Variants in ZFP91 observed in about 807,000 individuals in gnomAD.
The protein encoded by ZFP91 is ZFP91 zinc finger protein, atypical E3 ubiquitin ligase, also known as E3 ubiquitin-protein ligase ZFP91.
Under a neutral mutation model 63.5 loss-of-function variants are expected in ZFP91, and 7 were observed. The ratio of observed to expected loss-of-function variants is 0.11; its 90% CI spans 0.06 to 0.21. The LOEUF is 0.21. Ranked by LOEUF, ZFP91 falls within the 10% of genes least tolerant of loss-of-function variation. The pLI is 1.00. For synonymous variants in ZFP91, 330 were observed against 272.1 expected (o/e 1.21, Z -2.10); for missense variants, 628 against 736.6 (o/e 0.85, Z 1.71).
intron 2 of ZFP91, among the ~76,000 whole-genome samples, chr11:58,603,344 A>G (rs982567280): frequency 6.6e-6 from 1 of 152,216 alleles, no homozygotes; most frequent in Admixed American, 6.5e-5. Flanking sequence ...GTCTGTCCAA[A>G]TAGTGTATTG....
At position 58,614,389 on chromosome 11, in the gene ZFP91, T is replaced by TA. The variant is rs747327458; in HGVS notation, c.1102+47dup. 15 of 1,340,124 alleles carry TA rather than the reference T, an allele frequency of 1.1e-5. No homozygotes were observed. In the South Asian group the frequency reaches 1.9e-4, roughly 17 times the overall value. 83.0% of individuals were successfully genotyped at this position (1,340,124 alleles called of 1,614,324 possible). ...TCAAGTAGGTAATTGCACTGTGCTT[T>TA]AGTTTTGCATGTTGGTAATGATAAC... On this transcript the variant is annotated intron_variant, in intron 9 of 10. Transcript: ENST00000316059.
Position 58,611,057 on chromosome 11 carries a change from ATG to A in ZFP91, c.722+5_722+6del. 6.2e-7 allele frequency: 1 copy of A among 1,612,116 alleles called. No individual in the cohort carries two copies. Among genetic ancestry groups the A allele is most frequent in the Non-Finnish European group, 8.5e-7 (1 of 1,178,944 alleles). On this transcript the variant is annotated splice_donor_5th_base_variant and intron_variant, in intron 5 of 10. Coordinates refer to ENST00000316059, the MANE Select transcript of ZFP91 (RefSeq NM_053023.5). The stretch of plus-strand genomic sequence containing the variant: ...ACCTACAAACCCCACTTAGAAAGGC[ATG>A]TCTCAGATTTTACTGCAGACATGTT...
chr11:58,608,894 A>T (rs1590626551), intron 2 of ZFP91, among the ~76,000 whole-genome samples: 1 of 152,246 alleles, frequency 6.6e-6, no homozygotes, highest in African/African-American at 2.4e-5. Context: ...TGAGCCACTG[A>T]GCCCGGCCTG....
intron 2 of ZFP91, among the ~76,000 whole-genome samples, chr11:58,609,090 T>TA (rs1210335141): frequency 6.6e-6 from 1 of 152,182 alleles, no homozygotes; most frequent in Non-Finnish European, 1.5e-5. Context: ...ACTTTTTTTT[T>TA]ATATAGGTCT....
intron 2 of ZFP91, among the ~76,000 whole-genome samples, chr11:58,598,749 CGTGTGTGTGTGTGTGTGTGTGT>C (rs56110499): frequency 0.014 from 1,639 of 120,898 alleles, 38 homozygotes; most frequent in African/African-American, 0.041. Context: ...CTTTTGTGCA[CGTGTGTGTGTGTGTGTGTGTGT>C]GTGTGTGTGT....
intron 9 of ZFP91, among the ~76,000 whole-genome samples, chr11:58,615,875 T>A (rs1159790541): frequency 6.6e-6 from 1 of 152,262 alleles, no homozygotes; most frequent in African/African-American, 2.4e-5. Flanking sequence ...TTCTCATTAA[T>A]TCTGGTAATT....
Position 58,612,304 on chromosome 11 carries a change from A to G in ZFP91, c.884A>G (p.Lys295Arg), listed in dbSNP as rs774645473. 12 of 1,613,744 alleles carry G rather than the reference A, an allele frequency of 7.4e-6. No individual in the cohort carries two copies. The highest frequency in any genetic ancestry group is 3.3e-5 in the Admixed American group (2 of 59,992). ...RKRGRRRKDD[K>R]SPRLPKRRKK... ...AGAGGAAGAAGACGAAAAGATGACAAAAGTCCACGTTTACCCAAAAGGAGG... is the reference window on the plus strand; with the variant it reads ...AGAGGAAGAAGACGAAAAGATGACAGAAGTCCACGTTTACCCAAAAGGAGG... The change falls in exon 7 of 11, where the codon AAA becomes AGA. Residue 295 changes from lysine to arginine, a missense_variant. This residue lies in a region of ZFP91 where 76 missense variants were observed against 230.9 expected (regional missense o/e 0.33). Transcript: ENST00000316059.
rs749978991 is a variant in ZFP91 at position 58,610,321 on chromosome 11, C to G, written c.604C>G (p.Pro202Ala). The change falls in exon 4 of 11, where the codon CCA becomes GCA. Residue 202 changes from proline to alanine, a missense_variant. Coordinates refer to ENST00000316059, the MANE Select transcript of ZFP91 (RefSeq NM_053023.5). ...DYDVGEEHQS[P>A]GGISSEEEEE... Reference sequence around the variant, plus strand: ...AGATGTTGGAGAAGAGCATCAGTCTCCAGGTGGCATTAGGTAAAAAAAACA... The same window carrying G: ...AGATGTTGGAGAAGAGCATCAGTCTGCAGGTGGCATTAGGTAAAAAAAACA... 7 of 1,594,674 alleles carry G rather than the reference C, an allele frequency of 4.4e-6. No homozygotes were observed. The highest frequency in any genetic ancestry group is 5.1e-6 in the Non-Finnish European group (6 of 1,174,408).
In ZFP91 at chr11:58,584,867, A is replaced by G. The variant is rs1411663726; in HGVS notation, c.353A>G (p.Lys118Arg). 1 of 1,530,098 alleles carries G rather than the reference A, an allele frequency of 6.5e-7. No homozygotes were observed. The highest frequency in any genetic ancestry group is 1.3e-5 in the South Asian group (1 of 75,480). The allele number at this position is 1,530,098 out of a possible 1,614,324, so 94.8% of individuals were successfully genotyped here. The change falls in exon 2 of 11, where the codon AAA becomes AGA. Residue 118 changes from lysine to arginine, a missense_variant. Transcript: ENST00000316059. Reference protein sequence around the residue: ...KKSPRLLCIEKVTTDKDPKEE... With the variant: ...KKSPRLLCIERVTTDKDPKEE... ...CTTATTTCTTTCAGATGCATAGAAA[A>G]AGTAACAACTGATAAAGGTAAGACT...
In ZFP91 at chr11:58,579,117, G is replaced by A; in HGVS notation, c.-165G>A. On this transcript the variant is annotated 5_prime_UTR_variant, in exon 1 of 11. Transcript: ENST00000316059. ...AGCGGACCTTGAGTGGCAGGGGGTG[G>A]GGGGGGCGCCCTCGGAGCCGGGCGG... 5.7e-6 allele frequency: 3 copies of A among 524,276 alleles called. No homozygotes were observed. The highest frequency in any genetic ancestry group is 4.3e-5 in the South Asian group (1 of 23,198). 32.5% of individuals were successfully genotyped at this position (524,276 alleles called of 1,614,324 possible).
At chr11:58,592,852 G>A (rs1035261642) in intron 2 of ZFP91, among the ~76,000 whole-genome samples, 1 of 152,198 alleles carries the variant, frequency 6.6e-6, no homozygotes, top group Non-Finnish European at 1.5e-5. Context: ...TCTGCAGGCT[G>A]TACAAGCATG....
intron 2 of ZFP91, among the ~76,000 whole-genome samples, chr11:58,591,994 G>GT (rs1224345453): frequency 6.6e-6 from 1 of 151,858 alleles, no homozygotes; most frequent in Non-Finnish European, 1.5e-5. Context: ...GCTGTAGTAG[G>GT]TAAGTATTGT....
chr11:58,608,226 C>T (rs1323095151), intron 2 of ZFP91, among the ~76,000 whole-genome samples: 2 of 151,770 alleles, frequency 1.3e-5, no homozygotes, highest in Admixed American at 1.3e-4. Context: ...CTCTCTCTTA[C>T]ATATGTACAC....
At chr11:58,599,234 T>C (rs773412359) in intron 2 of ZFP91, among the ~76,000 whole-genome samples, 1 of 152,088 alleles carries the variant, frequency 6.6e-6, no homozygotes, top group Non-Finnish European at 1.5e-5. Flanking sequence ...GTTTCCACAA[T>C]TTGGGTATTG....
At chr11:58,583,173 G>A (rs1230948789) in intron 1 of ZFP91, among the ~76,000 whole-genome samples, 2 of 151,986 alleles carry the variant, frequency 1.3e-5, no homozygotes, top group Non-Finnish European at 2.9e-5. Context: ...ATTAAGACTA[G>A]GTTAAAATGT....
At chr11:58,607,899 C>A (rs1468164884) in intron 2 of ZFP91, among the ~76,000 whole-genome samples, 1 of 151,816 alleles carries the variant, frequency 6.6e-6, no homozygotes, top group Non-Finnish European at 1.5e-5. Context: ...TGTTTCTGTT[C>A]TTTGCTATTA....
At chr11:58,600,201 T>G (rs1855470354) in intron 2 of ZFP91, among the ~76,000 whole-genome samples, 1 of 151,276 alleles carries the variant, frequency 6.6e-6, no homozygotes, top group South Asian at 2.1e-4. Context: ...AACTTTAGGA[T>G]TGGGTTGTCA....
At chr11:58,579,729 C>G (rs1359164518) in intron 1 of ZFP91, 107 bp downstream of exon 1, 2 of 1,101,562 alleles carry the variant, frequency 1.8e-6, no homozygotes, top group Non-Finnish European at 2.4e-6. Context: ...TGGTCTGCCC[C>G]CTGCCGGCTC....
At chr11:58,594,109 G>A (rs1481887136) in intron 2 of ZFP91, among the ~76,000 whole-genome samples, 6 of 152,108 alleles carry the variant, frequency 3.9e-5, no homozygotes, top group East Asian at 1.9e-4. Flanking sequence ...TCATGTCACC[G>A]TTCTGTTTAA....
Sources: allele counts gnomAD v4.1 joint callset (sites outside exome capture counted in the v4.1 genomes callset), GRCh38; gene constraint gnomAD v4.1.1; regional missense constraint gnomAD v4.1.1; transcripts MANE v1.5; gene names NCBI Gene and HGNC (gene_info 2026-07-23, HGNC 2026-07-21).